The following SOX5 variants were observed in gnomAD, a reference collection of about 807,000 sequenced individuals.
SOX5 encodes SRY-box transcription factor 5, also known as transcription factor SOX-5.
SOX5 carries 9 observed loss-of-function variants against 92.0 expected under a neutral mutation model. That is an observed-to-expected ratio of 0.10 (90% confidence interval 0.06 to 0.17). SOX5 has a LOEUF of 0.17. Among genes scored for constraint, SOX5 ranks in the 10% least tolerant of loss-of-function variants. The pLI, the probability that SOX5 is intolerant of heterozygous loss-of-function variation, is 1.00. For synonymous variants in SOX5, 344 were observed against 336.3 expected (o/e 1.02, Z -0.25); for missense variants, 642 against 944.5 (o/e 0.68, Z 4.20).
At chr12:23,673,799 G>A (rs900699979) in intron 6 of SOX5, among the ~76,000 whole-genome samples, 1 of 152,004 alleles carries the variant, frequency 6.6e-6, no homozygotes, top group Non-Finnish European at 1.5e-5. Context: ...ATGGGTATAA[G>A]GTTTCTTTTG....
chr12:24,544,290 A>C (rs1597794584), intron 1 of SOX5, among the ~76,000 whole-genome samples: 1 of 152,238 alleles, frequency 6.6e-6, no homozygotes, highest in Non-Finnish European at 1.5e-5. Flanking sequence ...AATTCCAAAA[A>C]GATGGGTAAG....
At chr12:24,428,865 G>C (rs918238018) in intron 1 of SOX5, among the ~76,000 whole-genome samples, 1 of 150,790 alleles carries the variant, frequency 6.6e-6, no homozygotes, top group Non-Finnish European at 1.5e-5. Context: ...TGGATTATGT[G>C]TATGAGTGGG....
At chr12:24,522,892 T>C (rs184543859) in intron 1 of SOX5, among the ~76,000 whole-genome samples, 14 of 151,912 alleles carry the variant, frequency 9.2e-5, no homozygotes, top group Admixed American at 8.5e-4. Flanking sequence ...TCATTTAACA[T>C]AGTACTAGAA....
At chr12:24,232,612 T>C (rs962263000) in intron 3 of SOX5, among the ~76,000 whole-genome samples, 4 of 152,182 alleles carry the variant, frequency 2.6e-5, no homozygotes, top group Non-Finnish European at 5.9e-5. Flanking sequence ...TTTCTGGCTC[T>C]AAGAATGACT....
intron 4 of SOX5, among the ~76,000 whole-genome samples, chr12:24,105,242 A>T (rs983005701): frequency 1.3e-5 from 2 of 152,180 alleles, no homozygotes; most frequent in African/African-American, 4.8e-5. Context: ...CAAGGAAATG[A>T]TTTAAAACCA....
At chr12:24,297,438 G>T (rs1947398383) in intron 2 of SOX5, among the ~76,000 whole-genome samples, 1 of 152,116 alleles carries the variant, frequency 6.6e-6, no homozygotes, top group Non-Finnish European at 1.5e-5. Flanking sequence ...CCGCAGCGTG[G>T]GTATACGGAA....
At chr12:24,477,354 G>A (rs762088050) in intron 1 of SOX5, among the ~76,000 whole-genome samples, 2 of 151,940 alleles carry the variant, frequency 1.3e-5, no homozygotes, top group South Asian at 4.1e-4. Flanking sequence ...GACTGGTCTC[G>A]AACTCCTGAC....
At chr12:24,304,502 G>T (rs1023673914) in intron 2 of SOX5, among the ~76,000 whole-genome samples, 6 of 152,148 alleles carry the variant, frequency 3.9e-5, no homozygotes, top group African/African-American at 1.4e-4. Context: ...AGCAGAGGAA[G>T]ATTGAGCAGT....
chr12:24,265,339 C>T (rs1942846768), intron 3 of SOX5, among the ~76,000 whole-genome samples: 2 of 151,984 alleles, frequency 1.3e-5, no homozygotes, highest in South Asian at 4.2e-4. Context: ...CACAGGAGTT[C>T]GAGACTAGCC....
At chr12:24,515,662 A>G (rs373200022) in intron 1 of SOX5, among the ~76,000 whole-genome samples, 6 of 152,174 alleles carry the variant, frequency 3.9e-5, no homozygotes, top group African/African-American at 1.4e-4. Context: ...TTACTTACCA[A>G]TTCACCTAGC....
chr12:23,885,285 G>A (rs930646676), intron 2 of SOX5, among the ~76,000 whole-genome samples: 2 of 152,084 alleles, frequency 1.3e-5, no homozygotes, highest in Non-Finnish European at 2.9e-5. Context: ...GAATTTTTAC[G>A]TGGCACCTAG....
chr12:23,653,053 T>C (rs867479537), intron 7 of SOX5, among the ~76,000 whole-genome samples: 5 of 151,328 alleles, frequency 3.3e-5, no homozygotes, highest in African/African-American at 1.2e-4. Context: ...GATGGATGGA[T>C]GGATGGATGG....
chr12:24,284,010 G>A (rs2140438637), intron 2 of SOX5, among the ~76,000 whole-genome samples: 1 of 152,332 alleles, frequency 6.6e-6, no homozygotes, highest in South Asian at 2.1e-4. Flanking sequence ...TGTAAAAAGT[G>A]TGGTTGGGTT....
At chr12:24,428,835 C>A (rs578104566) in intron 1 of SOX5, among the ~76,000 whole-genome samples, 1 of 146,054 alleles carries the variant, frequency 6.8e-6, no homozygotes, top group South Asian at 2.2e-4. Flanking sequence ...AACTTCAAGA[C>A]AGCATAGTGA....
chr12:24,350,003 T>C (rs1168327776), intron 2 of SOX5, among the ~76,000 whole-genome samples: 8 of 152,224 alleles, frequency 5.3e-5, no homozygotes, highest in Admixed American at 5.2e-4. Flanking sequence ...ATGCATTCAT[T>C]TTCTTATTTC....
intron 3 of SOX5, among the ~76,000 whole-genome samples, chr12:24,239,401 G>A (rs139980961): frequency 1.2e-3 from 177 of 152,268 alleles, no homozygotes; most frequent in Non-Finnish European, 1.9e-3. Context: ...AAGATTTAAG[G>A]TTTTACATTA....
intron 4 of SOX5, among the ~76,000 whole-genome samples, chr12:24,117,510 T>A (rs1002154173): frequency 6.6e-6 from 1 of 152,200 alleles, no homozygotes; most frequent in East Asian, 1.9e-4. Context: ...AAGGAATGTC[T>A]GCCCTCCCAT....
At chr12:24,235,172 C>T (rs569141120) in intron 3 of SOX5, among the ~76,000 whole-genome samples, 11 of 152,186 alleles carry the variant, frequency 7.2e-5, no homozygotes, top group South Asian at 2.1e-4. Context: ...TGCTGTGGCT[C>T]GGAAAACATT....
intron 5 of SOX5, among the ~76,000 whole-genome samples, chr12:23,739,025 A>C (rs1261709782): frequency 5.3e-5 from 8 of 152,216 alleles, no homozygotes; most frequent in Non-Finnish European, 2.9e-5. Flanking sequence ...AGTACAATGG[A>C]AATAAGGGGG....
Sources: gnomAD v4.1 joint callset for allele counts (sites outside exome capture counted in the v4.1 genomes callset) on GRCh38, gnomAD v4.1.1 for gene constraint, MANE v1.5 for transcripts, NCBI Gene and HGNC (gene_info 2026-07-23, HGNC 2026-07-21) for gene names.